ACOXL: variants seen among roughly 807,000 people sequenced by gnomAD.
ACOXL encodes acyl-CoA oxidase like.
Under a neutral mutation model 71.9 loss-of-function variants are expected in ACOXL, and 70 were observed. The ratio of observed to expected loss-of-function variants is 0.97; its 90% CI spans 0.80 to 1.19. The LOEUF (loss-of-function observed/expected upper bound fraction) is 1.19. Among genes scored for constraint, ACOXL ranks in the 50% most tolerant of loss-of-function variants. The probability of loss-of-function intolerance (pLI) is 0.00; values close to 1 mark genes in which losing one functional copy is unlikely to be tolerated. For missense variants in ACOXL, 703 were observed against 736.3 expected, an observed-to-expected ratio of 0.95 and a Z score of 0.52; for synonymous variants, 253 against 281.6, an observed-to-expected ratio of 0.90 and a Z score of 1.02.
At chr2:110,777,234 T>TG (rs1354344428) in intron 2 of ACOXL, among the ~76,000 whole-genome samples, 1 of 152,078 alleles carries the variant, frequency 6.6e-6, no homozygotes, top group African/African-American at 2.4e-5. Flanking sequence ...GGGATCCCCA[T>TG]GGCATGGGTG....
chr2:110,765,911 C>T (rs1203678739), intron 1 of ACOXL, among the ~76,000 whole-genome samples: 1 of 152,156 alleles, frequency 6.6e-6, no homozygotes, highest in African/African-American at 2.4e-5. Flanking sequence ...ATTATTTCAT[C>T]TATGCTGTAT....
At chr2:110,947,041 C>T (rs981629498) in intron 12 of ACOXL, among the ~76,000 whole-genome samples, 5 of 152,170 alleles carry the variant, frequency 3.3e-5, no homozygotes, top group African/African-American at 7.2e-5. Flanking sequence ...AGCCTCTAAT[C>T]GCAGTATGTA....
At chr2:110,888,368 C>T (rs1697564638) in intron 10 of ACOXL, among the ~76,000 whole-genome samples, 1 of 152,194 alleles carries the variant, frequency 6.6e-6, no homozygotes, top group Admixed American at 6.5e-5. Flanking sequence ...ATACCTCCCT[C>T]AAAGGATTAT....
At chr2:110,919,714 T>C (rs1574122743) in intron 11 of ACOXL, among the ~76,000 whole-genome samples, 1 of 152,220 alleles carries the variant, frequency 6.6e-6, no homozygotes, top group East Asian at 1.9e-4. Context: ...CTGTCTCTTT[T>C]TAGTTAACTT....
chr2:110,938,538 G>A (rs2060749578), intron 12 of ACOXL, among the ~76,000 whole-genome samples: 1 of 152,200 alleles, frequency 6.6e-6, no homozygotes, highest in South Asian at 2.1e-4. Context: ...TAGACCATGA[G>A]GGCAGTGAGG....
intron 14 of ACOXL, among the ~76,000 whole-genome samples, chr2:111,001,836 G>A (rs2063648856): frequency 6.6e-6 from 1 of 152,154 alleles, no homozygotes. Flanking sequence ...CCATAATGAG[G>A]TGAAACTTTT....
chr2:110,964,338 A>G (rs2061835596), intron 12 of ACOXL, among the ~76,000 whole-genome samples: 1 of 152,264 alleles, frequency 6.6e-6, no homozygotes, highest in South Asian at 2.1e-4. Context: ...ATTATACAGT[A>G]TAAATCATGC....
At chr2:110,938,423 A>G (rs763607601) in intron 12 of ACOXL, among the ~76,000 whole-genome samples, 1 of 152,268 alleles carries the variant, frequency 6.6e-6, no homozygotes, top group East Asian at 1.9e-4. Flanking sequence ...GATCCAGTGC[A>G]CAGAGGCTCA....
intron 1 of ACOXL, among the ~76,000 whole-genome samples, chr2:110,756,180 G>A (rs1679669250): frequency 1.3e-5 from 2 of 152,066 alleles, no homozygotes; most frequent in Non-Finnish European, 2.9e-5. Context: ...AGGCTGGAGT[G>A]CAATGGCACG....
intron 12 of ACOXL, among the ~76,000 whole-genome samples, chr2:110,969,844 T>C (rs1574328453): frequency 6.6e-6 from 1 of 150,818 alleles, no homozygotes; most frequent in South Asian, 2.1e-4. Flanking sequence ...TGCTAGAAAA[T>C]AGCTTTACAT....
chr2:110,807,760 A>G (rs1305313768), intron 9 of ACOXL, among the ~76,000 whole-genome samples: 1 of 152,094 alleles, frequency 6.6e-6, no homozygotes, highest in Admixed American at 6.5e-5. Context: ...TTCCTCTCCT[A>G]TGGCTCAAAC....
At chr2:111,106,815 G>C (rs769768845) in intron 17 of ACOXL, among the ~76,000 whole-genome samples, 16 of 152,160 alleles carry the variant, frequency 1.1e-4, no homozygotes, top group Non-Finnish European at 1.8e-4. Context: ...GTGGAAGTGG[G>C]AGTTTTAGTT....
chr2:111,049,048 C>CG (rs1374961500), intron 15 of ACOXL, among the ~76,000 whole-genome samples, 170 bp from the exon 16 acceptor site: 1 of 152,058 alleles, frequency 6.6e-6, no homozygotes, highest in Non-Finnish European at 1.5e-5. Flanking sequence ...AGTCACTGTA[C>CG]GGGGGCCCCT....
chr2:110,750,118 T>C (rs1401399213), intron 1 of ACOXL, among the ~76,000 whole-genome samples: 1 of 152,196 alleles, frequency 6.6e-6, no homozygotes, highest in Non-Finnish European at 1.5e-5. Flanking sequence ...ACAGTTACCT[T>C]TTCCTTCTCT....
chr2:110,749,584 T>C (rs113541541), intron 1 of ACOXL, among the ~76,000 whole-genome samples: 4,416 of 152,126 alleles, frequency 0.029, 218 homozygotes, highest in African/African-American at 0.099. Context: ...AAACATTAGC[T>C]GGGCACGGTG....
intron 11 of ACOXL, 48 bp downstream of exon 11, chr2:110,908,953 T>C (rs776497789): frequency 1.5e-6 from 2 of 1,372,742 alleles, no homozygotes; most frequent in Non-Finnish European, 2.0e-6. Flanking sequence ...TGTGATACCC[T>C]GGCATGAGTA....
chr2:110,883,110 T>G (rs944253263), intron 10 of ACOXL, among the ~76,000 whole-genome samples: 1 of 145,032 alleles, frequency 6.9e-6, no homozygotes, highest in Non-Finnish European at 1.5e-5. Flanking sequence ...GTCACTGGTT[T>G]TTTTTTTTTT....
chr2:110,833,418 G>A (rs1410942676), intron 9 of ACOXL, among the ~76,000 whole-genome samples: 3 of 152,178 alleles, frequency 2.0e-5, no homozygotes, highest in African/African-American at 7.2e-5. Context: ...GCTAAGGAGT[G>A]GGCTGGGGAG....
At chr2:110,987,736 A>T (rs72834562) in intron 13 of ACOXL, among the ~76,000 whole-genome samples, 10,167 of 152,248 alleles carry the variant, frequency 0.067, 437 homozygotes, top group East Asian at 0.23. Context: ...TCTTAGAATC[A>T]TTCAAATTGT....
Sources: allele counts gnomAD v4.1 joint callset (sites outside exome capture counted in the v4.1 genomes callset), GRCh38; gene constraint gnomAD v4.1.1; transcripts MANE v1.5; gene names NCBI Gene and HGNC (gene_info 2026-07-23, HGNC 2026-07-21).